ANKRD7: variants seen among roughly 807,000 people sequenced by gnomAD.
ANKRD7 encodes ankyrin repeat domain-containing protein 7.
A neutral mutation model predicts 30.8 loss-of-function variants in ANKRD7; 30 were observed. The observed-to-expected ratio is 0.97, with a 90% CI of 0.73 to 1.32. The LOEUF (loss-of-function observed/expected upper bound fraction) is 1.32. Ranked by LOEUF, ANKRD7 falls within the 40% of genes most tolerant of loss-of-function variation. The pLI is 0.00. For synonymous variants in ANKRD7, 97 were observed against 106.6 expected, an observed-to-expected ratio of 0.91 and a Z score of 0.55; for missense variants, 264 against 295.7, an observed-to-expected ratio of 0.89 and a Z score of 0.79.
intron 1 of ANKRD7, among the ~76,000 whole-genome samples, chr7:118,233,392 T>G (rs754238048): frequency 1.3e-5 from 2 of 152,156 alleles, no homozygotes; most frequent in Non-Finnish European, 2.9e-5. Flanking sequence ...ATTACAGTCT[T>G]GCCTTCCAGA....
chr7:118,232,302 A>G (rs1344602597), intron 1 of ANKRD7, among the ~76,000 whole-genome samples: 6 of 152,078 alleles, frequency 3.9e-5, no homozygotes, highest in Admixed American at 3.9e-4. Flanking sequence ...GTTTTTTAAA[A>G]CATTTTGGTT....
chr7:118,232,147 G>A (rs1584723397), intron 1 of ANKRD7, among the ~76,000 whole-genome samples: 1 of 151,966 alleles, frequency 6.6e-6, no homozygotes, highest in East Asian at 1.9e-4. Flanking sequence ...CATTATATGT[G>A]TAAACATATA....
chr7:118,238,570 A>G (rs564379331), intron 5 of ANKRD7, among the ~76,000 whole-genome samples: 4 of 152,300 alleles, frequency 2.6e-5, no homozygotes, highest in South Asian at 2.1e-4. Flanking sequence ...TTGGCTCTCT[A>G]TGTAGATTCT....
At chr7:118,226,366 C>A (rs1394885849) in intron 1 of ANKRD7, among the ~76,000 whole-genome samples, 1 of 152,092 alleles carries the variant, frequency 6.6e-6, no homozygotes, top group East Asian at 1.9e-4. Context: ...GGGAGTCAAC[C>A]CCCTGTGAAG....
intron 1 of ANKRD7, among the ~76,000 whole-genome samples, chr7:118,229,227 G>A (rs1054176321): frequency 6.6e-6 from 1 of 152,120 alleles, no homozygotes; most frequent in African/African-American, 2.4e-5. Context: ...TCCTTTAGGT[G>A]TTATTCAACT....
In ANKRD7 at chr7:118,234,683, C is replaced by T. The variant is rs1554368491; in HGVS notation, c.295-18C>T. On this transcript the variant is annotated intron_variant, in intron 2 of 6. Coordinates refer to ENST00000265224, the MANE Select transcript of ANKRD7 (RefSeq NM_019644.4). ...AAGTAGTAAATTGGTTACTCATCTA[C>T]TCTTGTTGCATTAACAGGCAGTACA... 1 of 1,596,808 alleles carries T rather than the reference C, an allele frequency of 6.3e-7. No individual in the cohort carries two copies. The highest frequency in any genetic ancestry group is 8.5e-7 in the Non-Finnish European group (1 of 1,173,592).
At chr7:118,230,644 G>T (rs1296597697) in intron 1 of ANKRD7, among the ~76,000 whole-genome samples, 1 of 151,912 alleles carries the variant, frequency 6.6e-6, no homozygotes, top group Non-Finnish European at 1.5e-5. Context: ...GTGTGTGTGT[G>T]TGTGTGTAGA....
Position 118,224,802 on chromosome 7 carries a change from C to T in ANKRD7, c.-29C>T, listed in dbSNP as rs745877912. 42 of 1,597,648 alleles carry T rather than the reference C, an allele frequency of 2.6e-5. No individual in the cohort carries two copies. Among genetic ancestry groups the T allele is most frequent in the Non-Finnish European group, 1.7e-6 (2 of 1,174,230 alleles). The stretch of plus-strand genomic sequence containing the variant: ...CTAGGAGTTCAAGAAACATCCTGGT[C>T]TGAGGGAAAGGCTGCAGCCTGCACC... On this transcript the variant is annotated 5_prime_UTR_variant, in exon 1 of 7. Coordinates refer to ENST00000265224, the MANE Select transcript of ANKRD7 (RefSeq NM_019644.4).
Position 118,234,712 on chromosome 7 carries a change from T to C in ANKRD7, c.306T>C (p.Cys102=). ...NKSPLIKAVQ[C]QNEDCATILL... is the part of the protein sequence containing the mutation. ...TGTTGCATTAACAGGCAGTACAGTG[T>C]CAAAATGAGGATTGTGCTACTATTC... Residue 102 remains cysteine (C), a synonymous_variant, in exon 3 of 7, where the codon TGT becomes TGC. Transcript: ENST00000265224. 1 of 1,608,554 alleles carries C rather than the reference T, an allele frequency of 6.2e-7. No homozygotes were observed. The highest frequency in any genetic ancestry group is 8.5e-7 in the Non-Finnish European group (1 of 1,178,524).
At chr7:118,229,300 A>C (rs1562871882) in intron 1 of ANKRD7, among the ~76,000 whole-genome samples, 1 of 152,060 alleles carries the variant, frequency 6.6e-6, no homozygotes, top group East Asian at 1.9e-4. Flanking sequence ...CTTTCTCCTC[A>C]CTGACATTTC....
intron 1 of ANKRD7, among the ~76,000 whole-genome samples, chr7:118,226,242 G>T (rs1056193219): frequency 6.6e-6 from 1 of 152,190 alleles, no homozygotes; most frequent in African/African-American, 2.4e-5. Context: ...CACAATGGCT[G>T]CTTCAAAACA....
intron 1 of ANKRD7, chr7:118,228,112 C>A (rs1269302788): frequency 8.4e-7 from 1 of 1,184,556 alleles, no homozygotes; most frequent in Non-Finnish European, 1.1e-6. Context: ...TCTTTCAGAA[C>A]ACTGGGGCCA....
rs1442067391 is a variant in ANKRD7, at chr7:118,239,750, GGT to G, written c.713-156_713-155del. 1.1e-5 allele frequency: 4 copies of G among 378,960 alleles called. No homozygotes were observed. The East Asian group carries it at 1.5e-4, about 14-fold the overall frequency. The allele number at this position is 378,960 out of a possible 1,614,324, so 23.5% of individuals were successfully genotyped here. On this transcript the variant is annotated intron_variant, in intron 5 of 6. Coordinates refer to ENST00000265224, the MANE Select transcript of ANKRD7 (RefSeq NM_019644.4). ...GAATGGGAGTACATGAAATAAAAGTGGTGTCTGTTGACAGAGTTGGCTCAAGA... is the reference window on the plus strand; with the variant it reads ...GAATGGGAGTACATGAAATAAAAGTGGTCTGTTGACAGAGTTGGCTCAAGA...
rs6949259 is a variant in ANKRD7 at position 118,234,298 on chromosome 7, A to T, written c.180-133A>T. On this transcript the variant is annotated intron_variant, in intron 1 of 6. Transcript: ENST00000265224. ...TAAAATGTAATTGTAATTAATGTACATTTGTTTAAATAGAAATATGTGCAT... is the reference window on the plus strand; with the variant it reads ...TAAAATGTAATTGTAATTAATGTACTTTTGTTTAAATAGAAATATGTGCAT... 1,066 of 465,484 alleles carry T rather than the reference A, an allele frequency of 2.3e-3. 11 individuals carry two copies. Among genetic ancestry groups the T allele is most frequent in the African/African-American group, 0.02 (972 of 49,844 alleles). 28.8% of individuals were successfully genotyped at this position (465,484 alleles called of 1,614,324 possible). A position where few individuals can be genotyped will look rare whatever the true frequency, so the allele number is the denominator to read the frequency against.
chr7:118,238,607 C>T (rs62468165), intron 5 of ANKRD7, among the ~76,000 whole-genome samples: 7,434 of 152,226 alleles, frequency 0.049, 222 homozygotes, highest in Admixed American at 0.088. Flanking sequence ...GAAGCATAGA[C>T]AATATTCCTC....
rs1809513595 is a variant in ANKRD7, at chr7:118,224,896, A to G, written c.66A>G (p.Arg22=). 1 of 1,614,112 alleles carries G rather than the reference A, an allele frequency of 6.2e-7. No homozygotes were observed. The highest frequency in any genetic ancestry group is 1.3e-5 in the African/African-American group (1 of 74,940). Residue 22 remains arginine (R), a synonymous_variant, in exon 1 of 7, where the codon CGA becomes CGG. Coordinates refer to ENST00000265224, the MANE Select transcript of ANKRD7 (RefSeq NM_019644.4). ...NETRSQGYNL[R]EKDLKKLHRA... ...CCCGCAGCCAGGGCTACAACCTTCG[A>G]GAAAAGGATTTAAAGAAACTTCACA...
chr7:118,229,373 T>C (rs1475539390), intron 1 of ANKRD7, among the ~76,000 whole-genome samples: 1 of 152,176 alleles, frequency 6.6e-6, no homozygotes, highest in Non-Finnish European at 1.5e-5. Context: ...TTTTATCTTT[T>C]AAATTGTTTG....
rs113033396 is a variant in ANKRD7, at chr7:118,236,927, G to T, written c.712+1G>T. 2 of 1,613,296 alleles carry T rather than the reference G, an allele frequency of 1.2e-6. No individual in the cohort carries two copies. The highest frequency in any genetic ancestry group is 1.7e-5 in the Admixed American group (1 of 59,974). On this transcript the variant is annotated splice_donor_variant, in intron 5 of 6. Transcript: ENST00000265224. LOFTEE classifies it high-confidence loss of function. ...ATGTTTATTTCCATGGTTTTACTGC[G>T]TAAGTGATACTGCATGTCTTTTAAC...
chr7:118,236,207 C>CGTTT, intron 4 of ANKRD7, 60 bp downstream of exon 4: 6 of 595,864 alleles, frequency 1.0e-5, no homozygotes, highest in Non-Finnish European at 1.7e-5. Context: ...TGTGTGTGTG[C>CGTTT]GTATGTGTGT....
Sources: gnomAD v4.1 joint callset for allele counts (sites outside exome capture counted in the v4.1 genomes callset) on GRCh38, gnomAD v4.1.1 for gene constraint, MANE v1.5 for transcripts, NCBI Gene and HGNC (gene_info 2026-07-23, HGNC 2026-07-21) for gene names.